FGFR2: variants seen among roughly 807,000 people sequenced by gnomAD.
The protein encoded by FGFR2 is BEK fibroblast growth factor receptor.
In FGFR2, 19 loss-of-function variants were observed where a neutral mutation model predicts 95.9. That is an observed-to-expected ratio of 0.20 (90% confidence interval 0.14 to 0.29). FGFR2 has a LOEUF of 0.29. Ranked by LOEUF, FGFR2 falls within the 10% of genes least tolerant of loss-of-function variation. The probability of loss-of-function intolerance (pLI) is 1.00; values close to 1 mark genes in which losing one functional copy is unlikely to be tolerated. For synonymous variants in FGFR2, 392 were observed against 393.3 expected (o/e 1.00, Z 0.04); for missense variants, 707 against 1,056.9 (o/e 0.67, Z 4.59).
intron 2 of FGFR2, among the ~76,000 whole-genome samples, chr10:121,586,368 T>A (rs1458056404): frequency 6.6e-6 from 1 of 152,218 alleles, no homozygotes; most frequent in Non-Finnish European, 1.5e-5. Flanking sequence ...ACATTCAGCA[T>A]AACCTGAAAC....
chr10:121,588,970 AAT>A (rs1862230586), intron 2 of FGFR2, among the ~76,000 whole-genome samples: 2 of 152,182 alleles, frequency 1.3e-5, no homozygotes, highest in African/African-American at 4.8e-5. Context: ...AGGAAAAAAA[AAT>A]AGAGACCATA....
chr10:121,584,964 C>A (rs75751054), intron 2 of FGFR2, among the ~76,000 whole-genome samples: 1 of 149,544 alleles, frequency 6.7e-6, no homozygotes, highest in African/African-American at 2.5e-5. Context: ...TAACCCCTCT[C>A]CATCCCGCAC....
chr10:121,572,764 C>T (rs1189947282), intron 2 of FGFR2, among the ~76,000 whole-genome samples: 5 of 152,350 alleles, frequency 3.3e-5, no homozygotes, highest in Non-Finnish European at 7.3e-5. Flanking sequence ...GGACCTCTGA[C>T]TGGGGAGAGA....
At chr10:121,512,253 T>C (rs1849145139) in intron 9 of FGFR2, among the ~76,000 whole-genome samples, 1 of 152,230 alleles carries the variant, frequency 6.6e-6, no homozygotes, top group Non-Finnish European at 1.5e-5. Context: ...GGGCTTTTCA[T>C]TCCAGCTCCA....
At chr10:121,509,421 G>GT (rs199565234) in intron 9 of FGFR2, among the ~76,000 whole-genome samples, 14,081 of 126,732 alleles carry the variant, frequency 0.11, 751 homozygotes, top group South Asian at 0.16. Flanking sequence ...GTGAGGAAGT[G>GT]TTTTTTTTTT....
At position 121,515,076 on chromosome 10, in the gene FGFR2, T is replaced by C. The variant is rs767274582; in HGVS notation, c.1287+41A>G. On this transcript the variant is annotated intron_variant, in intron 9 of 17. Transcript: ENST00000358487. ...CAAGATCCACAAGCTGGCTGGGTCA[T>C]GGGGGAGGAGTAAATTTCTTTAAAC... 3.1e-6 allele frequency: 5 copies of C among 1,588,116 alleles called. No individual in the cohort carries two copies. In the South Asian group the frequency reaches 3.3e-5, roughly 11 times the overall value.
intron 10 of FGFR2, 104 bp from the exon 11 acceptor site, chr10:121,501,051 A>G (rs1302267545): frequency 6.6e-7 from 1 of 1,523,236 alleles, no homozygotes; most frequent in East Asian, 2.3e-5. Flanking sequence ...TTACTAAAGC[A>G]TGGAGTGCTT....
chr10:121,557,782 C>G (rs1488612089), intron 4 of FGFR2, among the ~76,000 whole-genome samples: 1 of 151,932 alleles, frequency 6.6e-6, no homozygotes, highest in African/African-American at 2.4e-5. Context: ...AGTAAAAATC[C>G]CAATTAGAAC....
At chr10:121,504,574 G>T (rs1443196461) in intron 9 of FGFR2, among the ~76,000 whole-genome samples, 1 of 152,146 alleles carries the variant, frequency 6.6e-6, no homozygotes, top group African/African-American at 2.4e-5. Flanking sequence ...GAAACTTATT[G>T]ATGGCCAGGC....
At chr10:121,537,620 T>C (rs1240061911) in intron 6 of FGFR2, among the ~76,000 whole-genome samples, 1 of 152,182 alleles carries the variant, frequency 6.6e-6, no homozygotes, top group Non-Finnish European at 1.5e-5. Context: ...TGGTGTGGGC[T>C]TGTGGAATTA....
At position 121,502,144 on chromosome 10, in the gene FGFR2, C is replaced by T. The variant is rs1352830866; in HGVS notation, c.1440-1197G>A. 2.0e-5 allele frequency among the ~76,000 whole-genome samples: 3 copies of T among 152,152 alleles called. 1 individual carries two copies. The highest frequency in any genetic ancestry group is 4.1e-4 in the South Asian group (2 of 4,834). On this transcript the variant is annotated intron_variant, in intron 10 of 17. Transcript: ENST00000358487. The stretch of plus-strand genomic sequence containing the variant: ...GGTGGCAAAAACTATGGACTAAACC[C>T]GAAAGCTGCAATTTCTTAAAATATG...
At chr10:121,527,931 C>T (rs899399786) in intron 6 of FGFR2, 1 of 152,318 alleles carries the variant, frequency 6.6e-6, no homozygotes, top group South Asian at 2.1e-4. Flanking sequence ...CAACATCTTT[C>T]AGGAATGCAA....
intron 2 of FGFR2, among the ~76,000 whole-genome samples, chr10:121,580,587 C>G (rs572616186): frequency 9.2e-4 from 140 of 152,228 alleles, no homozygotes; most frequent in African/African-American, 3.3e-3. Context: ...TTCGGGTGGG[C>G]GGGACACGGT....
intron 5 of FGFR2, among the ~76,000 whole-genome samples, chr10:121,547,188 C>T (rs1463624380): frequency 6.6e-6 from 1 of 152,126 alleles, no homozygotes; most frequent in East Asian, 1.9e-4. Flanking sequence ...CATGCCATTG[C>T]ACTCCAGCCT....
intron 6 of FGFR2, among the ~76,000 whole-genome samples, chr10:121,522,471 G>A (rs1229176122): frequency 6.6e-6 from 1 of 151,972 alleles, no homozygotes; most frequent in Non-Finnish European, 1.5e-5. Context: ...TGAGAGAATG[G>A]CTTGAGCCCA....
At chr10:121,564,824 G>T (rs762357596) in intron 3 of FGFR2, among the ~76,000 whole-genome samples, 9 of 152,072 alleles carry the variant, frequency 5.9e-5, no homozygotes, top group Non-Finnish European at 1.0e-4. Context: ...TATAAAATTG[G>T]ATATATGAGA....
At chr10:121,506,076 G>A (rs1472038234) in intron 9 of FGFR2, among the ~76,000 whole-genome samples, 10 of 152,074 alleles carry the variant, frequency 6.6e-5, no homozygotes, top group Admixed American at 1.3e-4. Flanking sequence ...AGAACCGGCC[G>A]GCCAGGCGCG....
At chr10:121,592,195 C>G (rs1332067167) in intron 2 of FGFR2, among the ~76,000 whole-genome samples, 2 of 152,188 alleles carry the variant, frequency 1.3e-5, no homozygotes, top group Non-Finnish European at 2.9e-5. Flanking sequence ...ATCACGGAAA[C>G]ATCCATTTTA....
chr10:121,512,924 C>CA (rs1849244607), intron 9 of FGFR2, among the ~76,000 whole-genome samples: 2 of 152,024 alleles, frequency 1.3e-5, no homozygotes, highest in Non-Finnish European at 2.9e-5. Context: ...GGCTGGAGCG[C>CA]AATGGTGTGA....
Sources: gnomAD v4.1 joint callset for allele counts (sites outside exome capture counted in the v4.1 genomes callset) on GRCh38, gnomAD v4.1.1 for gene constraint, MANE v1.5 for transcripts, NCBI Gene and HGNC (gene_info 2026-07-23, HGNC 2026-07-21) for gene names.